Variants in DYNC2I1 observed in about 807,000 individuals in gnomAD.
DYNC2I1 encodes dynein 2 intermediate chain 1, also known as cytoplasmic dynein 2 intermediate chain 1.
A neutral mutation model predicts 133.4 loss-of-function variants in DYNC2I1; 89 were observed. That is an observed-to-expected ratio of 0.67 (90% CI 0.56 to 0.80). The LOEUF (loss-of-function observed/expected upper bound fraction) is 0.80. DYNC2I1 is among the 30% of genes least tolerant of loss of function. DYNC2I1 has a pLI of 0.00. For synonymous variants in DYNC2I1, 504 were observed against 484.3 expected, an observed-to-expected ratio of 1.04 and a Z score of -0.54; for missense variants, 1,291 against 1,314.5, an observed-to-expected ratio of 0.98 and a Z score of 0.28.
intron 14 of DYNC2I1, among the ~76,000 whole-genome samples, chr7:158,914,775 T>C (rs1356990621): frequency 6.6e-6 from 1 of 152,244 alleles, no homozygotes; most frequent in African/African-American, 2.4e-5. Context: ...ACCTCATGGC[T>C]GTGGGTCTCG....
intron 1 of DYNC2I1, among the ~76,000 whole-genome samples, chr7:158,869,197 G>C (rs1056137718): frequency 1.9e-4 from 29 of 152,054 alleles, no homozygotes; most frequent in Admixed American, 6.5e-4. Flanking sequence ...CCGTGGCTGT[G>C]GCATCTGCTG....
At chr7:158,901,846 C>T (rs1846289569) in intron 9 of DYNC2I1, 30 bp downstream of exon 9, 6 of 1,445,812 alleles carry the variant, frequency 4.1e-6, no homozygotes, top group Non-Finnish European at 5.6e-6. Context: ...CTTTCCTTAG[C>T]TTAAAAATCA....
In DYNC2I1 at chr7:158,905,152, T is replaced by A. The variant is rs1464609617; in HGVS notation, c.1358-837T>A. 3 of 411,150 alleles carry A rather than the reference T, an allele frequency of 7.3e-6. No homozygotes were observed. In the Admixed American group the frequency reaches 8.8e-5, roughly 12 times the overall value. 25.5% of individuals were successfully genotyped at this position (411,150 alleles called of 1,614,324 possible). A position where few individuals can be genotyped will look rare whatever the true frequency, so the allele number is the denominator to read the frequency against. The stretch of plus-strand genomic sequence containing the variant: ...TGTCTTTCTTTTTCTTTTTTTTTTT[T>A]TTTTTTGAGACAGAGTCTCACTATG... On this transcript the variant is annotated intron_variant, in intron 10 of 24. Transcript: ENST00000407559.
chr7:158,884,485 T>G, intron 5 of DYNC2I1, 79 bp from the exon 6 acceptor site: 1 of 1,368,032 alleles, frequency 7.3e-7, no homozygotes, highest in Non-Finnish European at 1.0e-6. Flanking sequence ...CTGTGCTTGT[T>G]TTGTGGGGTT....
At chr7:158,905,069 TG>T in intron 10 of DYNC2I1, 1 of 401,158 alleles carries the variant, frequency 2.5e-6, no homozygotes. Context: ...GGGGAAGAGG[TG>T]GATTGAGGAA....
intron 1 of DYNC2I1, among the ~76,000 whole-genome samples, chr7:158,862,052 T>C (rs1841906738): frequency 6.6e-6 from 1 of 152,196 alleles, no homozygotes; most frequent in Non-Finnish European, 1.5e-5. Flanking sequence ...AGCCTTGCCC[T>C]CTGGGTCTCT....
intron 1 of DYNC2I1, among the ~76,000 whole-genome samples, chr7:158,862,552 TA>T (rs71200073): frequency 0.035 from 3,700 of 105,816 alleles, 90 homozygotes; most frequent in African/African-American, 0.089. Context: ...CCCTATCTCT[TA>T]AAAAAAAAAA....
At chr7:158,949,774 CTT>C (rs10573905), downstream of DYNC2I1, among the ~76,000 whole-genome samples, 96,830 of 146,798 alleles carry the variant, frequency 0.66, 31,993 homozygotes, top group Non-Finnish European at 0.7. Flanking sequence ...TTCATTTTTC[CTT>C]TTTTTTTTTT....
At chr7:158,903,324 A>G (rs909472355) in intron 10 of DYNC2I1, 36 of 130,086 alleles carry the variant, frequency 2.8e-4, no homozygotes, top group African/African-American at 1.2e-3. Flanking sequence ...AATGTTTCAA[A>G]TTGCTTTAAA....
chr7:158,852,457 C>T (rs975577023), upstream of DYNC2I1, among the ~76,000 whole-genome samples: 3 of 151,522 alleles, frequency 2.0e-5, no homozygotes, highest in Admixed American at 6.6e-5. Flanking sequence ...TTAGTTCAGA[C>T]CGGCTGGGCA....
At chr7:158,860,483 C>A (rs1461281027) in intron 1 of DYNC2I1, among the ~76,000 whole-genome samples, 1 of 152,182 alleles carries the variant, frequency 6.6e-6, no homozygotes, top group Non-Finnish European at 1.5e-5. Flanking sequence ...TGAGATCATA[C>A]CAAGTTTCAG....
intron 11 of DYNC2I1, among the ~76,000 whole-genome samples, chr7:158,907,302 C>T (rs926617750): frequency 8.0e-5 from 9 of 113,078 alleles, no homozygotes. Context: ...TTTTTTTAAA[C>T]CTGATTCAAG....
intron 4 of DYNC2I1, among the ~76,000 whole-genome samples, chr7:158,956,344 A>G (rs1227353699): frequency 6.6e-6 from 1 of 152,184 alleles, no homozygotes; most frequent in Non-Finnish European, 1.5e-5. Context: ...TCCTCCCTGC[A>G]CAGAGCTGAT....
Position 158,922,297 on chromosome 7 carries a change from T to C in DYNC2I1, c.1922-80T>C, listed in dbSNP as rs1316829686. ...TTTCTTCATGAAGCTGAATTTTTTT[T>C]TGAGTATTCGGAAGTGTGTTAAATT... On this transcript the variant is annotated intron_variant, in intron 15 of 24. Coordinates refer to ENST00000407559, the MANE Select transcript of DYNC2I1 (RefSeq NM_018051.5). 4 of 1,419,656 alleles carry C rather than the reference T, an allele frequency of 2.8e-6. No individual in the cohort carries two copies. In the African/African-American group the frequency reaches 4.3e-5, roughly 15 times the overall value. The allele number at this position is 1,419,656 out of a possible 1,614,324, so 87.9% of individuals were successfully genotyped here. A position where few individuals can be genotyped will look rare whatever the true frequency, so the allele number is the denominator to read the frequency against.
chr7:158,917,099 T>C, intron 14 of DYNC2I1, among the ~76,000 whole-genome samples: 1 of 135,804 alleles, frequency 7.4e-6, no homozygotes, highest in Admixed American at 7.1e-5. Flanking sequence ...TACACGCTGG[T>C]TGACATTAAG....
At chr7:158,851,671 CTTA>C (rs555216905), upstream of DYNC2I1, among the ~76,000 whole-genome samples, 61 of 152,120 alleles carry the variant, frequency 4.0e-4, no homozygotes, top group Non-Finnish European at 6.6e-4. Flanking sequence ...ACAAGTTGAT[CTTA>C]TTATAATGTC....
intron 23 of DYNC2I1, among the ~76,000 whole-genome samples, chr7:158,939,926 A>G (rs1480472373): frequency 3.9e-5 from 6 of 152,258 alleles, no homozygotes; most frequent in Non-Finnish European, 8.8e-5. Context: ...TACAGGGGTC[A>G]ATTCAGCAAG....
intron 6 of DYNC2I1, 86 bp downstream of exon 6, chr7:158,884,705 C>T (rs566477900): frequency 1.8e-5 from 26 of 1,415,198 alleles, no homozygotes; most frequent in South Asian, 1.2e-4. Context: ...GCTCCGATGA[C>T]GGCCAGTCCA....
At chr7:158,958,341 A>G (rs2129490651), downstream of DYNC2I1, among the ~76,000 whole-genome samples, 1 of 152,348 alleles carries the variant, frequency 6.6e-6, no homozygotes, top group African/African-American at 2.4e-5. Context: ...CGTTCCAGCC[A>G]CCTACCGACC....
Sources: allele counts gnomAD v4.1 joint callset (sites outside exome capture counted in the v4.1 genomes callset), GRCh38; gene constraint gnomAD v4.1.1; transcripts MANE v1.5; gene names NCBI Gene and HGNC (gene_info 2026-07-23, HGNC 2026-07-21).